C19orf47: variants seen among roughly 807,000 people sequenced by gnomAD.
C19orf47 encodes the protein chromosome 19 open reading frame 47.
C19orf47 carries 18 observed loss-of-function variants against 32.3 expected under a neutral mutation model. The observed-to-expected ratio is 0.56, with a 90% CI of 0.39 to 0.83. The LOEUF is 0.83. Ranked by LOEUF, C19orf47 falls within the 40% of genes least tolerant of loss-of-function variation. The pLI is 0.00. For missense variants in C19orf47, 484 were observed against 531.6 expected (o/e 0.91, Z 0.88); for synonymous variants, 202 against 211.1 (o/e 0.96, Z 0.37).
At chr19:40,318,336 G>T (rs1568598613), downstream of C19orf47, among the ~76,000 whole-genome samples, 1 of 152,208 alleles carries the variant, frequency 6.6e-6, no homozygotes, top group East Asian at 1.9e-4. Context: ...CGCCAGCTGG[G>T]TGAGGCCTTC....
chr19:40,329,456 T>G (rs1225461957), intron 5 of C19orf47, among the ~76,000 whole-genome samples: 1 of 152,054 alleles, frequency 6.6e-6, no homozygotes, highest in East Asian at 1.9e-4. Flanking sequence ...CAGTGAGCTG[T>G]GATCGCACTA....
Position 40,321,528 on chromosome 19 carries a change from G to T in C19orf47, c.*354C>A. Reference sequence around the variant, plus strand: ...GGGGGACAGGGAGGCTGATGAGCTGGGGTCTGAGGCAGCAGACCCTGCTCA... The same window carrying T: ...GGGGGACAGGGAGGCTGATGAGCTGTGGTCTGAGGCAGCAGACCCTGCTCA... On this transcript the variant is annotated 3_prime_UTR_variant, in exon 9 of 9. Coordinates refer to ENST00000683109, the MANE Select transcript of C19orf47 (RefSeq NM_001256441.2). The T allele has an allele frequency of 1.9e-6, 2 of 1,054,360 alleles. No individual in the cohort carries two copies. Among genetic ancestry groups the T allele is most frequent in the Non-Finnish European group, 2.3e-6 (2 of 872,488 alleles). 65.3% of individuals were successfully genotyped at this position (1,054,360 alleles called of 1,614,324 possible). A position where few individuals can be genotyped will look rare whatever the true frequency, so the allele number is the denominator to read the frequency against.
intron 1 of C19orf47, chr19:40,342,186 A>C (rs374493736): frequency 1.9e-5 from 11 of 565,564 alleles, no homozygotes; most frequent in African/African-American, 1.9e-4. Flanking sequence ...TCTGGCCAAG[A>C]CTTTAACAAT....
the C19orf47 span, among the ~76,000 whole-genome samples, chr19:40,313,601 A>G: frequency 6.6e-6 from 1 of 152,230 alleles, no homozygotes; most frequent in Non-Finnish European, 1.5e-5. Context: ...TTGGGATTAC[A>G]GGCATGAGCC....
At position 40,321,927 on chromosome 19, in the gene C19orf47, C is replaced by A. The variant is rs779467811; in HGVS notation, c.1113G>T (p.Ala371=). The change falls in exon 9 of 9, where the codon GCG becomes GCT. Residue 371 remains alanine, a synonymous_variant. Coordinates refer to ENST00000683109, the MANE Select transcript of C19orf47 (RefSeq NM_001256441.2). ...SEGLGAQMDH[A]GTVSVFKRLG... is the part of the protein sequence containing the mutation. ...GTCTTTTGAACACGCTCACAGTGCC[C>A]GCGTGGTCCATCTGGGCACCAAGGC... 2.5e-6 allele frequency: 4 copies of A among 1,612,924 alleles called. No homozygotes were observed. The Middle Eastern group carries it at 5.0e-4, about 201-fold the overall frequency.
Position 40,321,679 on chromosome 19 carries a change from G to A in C19orf47, c.*203C>T. 1 of 1,406,426 alleles carries A rather than the reference G, an allele frequency of 7.1e-7. No homozygotes were observed. The highest frequency in any genetic ancestry group is 9.2e-7 in the Non-Finnish European group (1 of 1,086,652). The allele number at this position is 1,406,426 out of a possible 1,614,324, so 87.1% of individuals were successfully genotyped here. ...AGGACATGAGAGAAGGGGAGTCCTG[G>A]AGCAGGCCAGGCCAGCTGCGACGAC... On this transcript the variant is annotated 3_prime_UTR_variant, in exon 9 of 9. Coordinates refer to ENST00000683109, the MANE Select transcript of C19orf47 (RefSeq NM_001256441.2).
At chr19:40,330,632 C>T (rs1488377511) in intron 5 of C19orf47, among the ~76,000 whole-genome samples, 1 of 147,290 alleles carries the variant, frequency 6.8e-6, no homozygotes, top group Non-Finnish European at 1.5e-5. Flanking sequence ...TCACTGCAGC[C>T]TCAAAGTCCT....
intron 5 of C19orf47, among the ~76,000 whole-genome samples, chr19:40,329,824 AAT>A (rs1568612803): frequency 6.6e-6 from 1 of 152,188 alleles, no homozygotes; most frequent in African/African-American, 2.4e-5. Context: ...CTCCATTCAC[AAT>A]ACTCTTTACC....
chr19:40,322,755 A>G (rs1277049369), intron 8 of C19orf47, among the ~76,000 whole-genome samples: 5 of 152,192 alleles, frequency 3.3e-5, no homozygotes, highest in Non-Finnish European at 7.3e-5. Context: ...TTGAGTCCCA[A>G]TTCTATATTG....
intron 2 of C19orf47, among the ~76,000 whole-genome samples, chr19:40,339,575 A>T (rs2078135909): frequency 6.6e-6 from 1 of 152,192 alleles, no homozygotes; most frequent in South Asian, 2.1e-4. Context: ...TGTTGAGCAA[A>T]AGAAGCCAGA....
chr19:40,339,239 C>T (rs1568623725), intron 2 of C19orf47: 1 of 152,636 alleles, frequency 6.6e-6, no homozygotes, highest in East Asian at 1.9e-4. Context: ...ACATTAAGCA[C>T]ACACCATCAT....
intron 5 of C19orf47, among the ~76,000 whole-genome samples, chr19:40,328,857 C>T (rs533411776): frequency 1.5e-4 from 23 of 152,252 alleles, no homozygotes; most frequent in African/African-American, 5.3e-4. Context: ...TCGCCCCTCC[C>T]GGAGCTGCTT....
intron 6 of C19orf47, among the ~76,000 whole-genome samples, chr19:40,327,108 G>C (rs915281887): frequency 8.0e-5 from 12 of 149,830 alleles, no homozygotes; most frequent in East Asian, 5.9e-4. Context: ...CTGCCTCCTA[G>C]GTTCAATCGA....
At chr19:40,337,138 C>T (rs578066497) in intron 2 of C19orf47, among the ~76,000 whole-genome samples, 3 of 152,084 alleles carry the variant, frequency 2.0e-5, no homozygotes, top group African/African-American at 7.2e-5. Flanking sequence ...TACCACAAGG[C>T]ACAAGATGAA....
intron 1 of C19orf47, among the ~76,000 whole-genome samples, chr19:40,343,321 T>C (rs1427363425): frequency 1.3e-5 from 2 of 152,192 alleles, no homozygotes; most frequent in East Asian, 1.9e-4. Context: ...TTTGATGGTA[T>C]AATGGAGTGG....
At chr19:40,341,698 A>G (rs533614146) in intron 2 of C19orf47, 141 bp downstream of exon 2, 1 of 1,256,762 alleles carries the variant, frequency 8.0e-7, no homozygotes, top group East Asian at 2.6e-5. Context: ...TTCCAGCCCC[A>G]CCCTGCCACG....
Position 40,333,770 on chromosome 19 carries a change from G to A in C19orf47, c.301+81C>T. 3 of 1,148,152 alleles carry A rather than the reference G, an allele frequency of 2.6e-6. No individual in the cohort carries two copies. The East Asian group carries it at 8.5e-5, about 33-fold the overall frequency. The allele number at this position is 1,148,152 out of a possible 1,614,324, so 71.1% of individuals were successfully genotyped here. On this transcript the variant is annotated intron_variant, in intron 5 of 8. Coordinates refer to ENST00000683109, the MANE Select transcript of C19orf47 (RefSeq NM_001256441.2). ...TTTCTACCTTTGAAAATTACAGGCG[G>A]GGATGGGATGGCCAGACGTGTCCCC...
chr19:40,306,902 G>A, the C19orf47 span, among the ~76,000 whole-genome samples: 1 of 148,986 alleles, frequency 6.7e-6, no homozygotes, highest in Non-Finnish European at 1.5e-5. Flanking sequence ...CCATTCTCCT[G>A]CCTCAGCCTC....
chr19:40,306,008 G>A, the C19orf47 span, among the ~76,000 whole-genome samples: 5 of 151,930 alleles, frequency 3.3e-5, no homozygotes, highest in East Asian at 1.9e-4. Flanking sequence ...AAAATTAGCC[G>A]GACGTGGTGG....
Sources: gnomAD v4.1 joint callset for allele counts (sites outside exome capture counted in the v4.1 genomes callset) on GRCh38, gnomAD v4.1.1 for gene constraint, MANE v1.5 for transcripts, NCBI Gene and HGNC (gene_info 2026-07-23, HGNC 2026-07-21) for gene names.